Variants in CAMK2B observed in about 807,000 individuals in gnomAD.
The protein encoded by CAMK2B is calcium/calmodulin-dependent protein kinase type II subunit beta.
CAMK2B carries 27 observed loss-of-function variants against 93.7 expected under a neutral mutation model. That is an observed-to-expected ratio of 0.29 (90% CI 0.21 to 0.40). The LOEUF is 0.40. Among genes scored for constraint, CAMK2B ranks in the 10% least tolerant of loss-of-function variants. The probability of loss-of-function intolerance (pLI) is 1.00; values close to 1 mark genes in which losing one functional copy is unlikely to be tolerated. For synonymous variants in CAMK2B, 374 were observed against 358.8 expected, an observed-to-expected ratio of 1.04 and a Z score of -0.48; for missense variants, 568 against 895.8, an observed-to-expected ratio of 0.63 and a Z score of 4.67.
At chr7:44,251,472 C>A (rs996649902) in intron 5 of CAMK2B, among the ~76,000 whole-genome samples, 1 of 152,212 alleles carries the variant, frequency 6.6e-6, no homozygotes, top group Non-Finnish European at 1.5e-5. Context: ...CTGCTGAAGC[C>A]CGAGGAGGGG....
At chr7:44,241,204 G>C (rs1018941654) in intron 11 of CAMK2B, among the ~76,000 whole-genome samples, 2 of 152,168 alleles carry the variant, frequency 1.3e-5, no homozygotes, top group Non-Finnish European at 2.9e-5. Context: ...TAGAGGGACT[G>C]CCAGTGTGCG....
chr7:44,220,993 G>T, intron 20 of CAMK2B, 92 bp from the exon 21 acceptor site: 1 of 1,047,254 alleles, frequency 9.5e-7, no homozygotes, highest in Non-Finnish European at 1.4e-6. Flanking sequence ...GGGGGAGCGC[G>T]AGCTGCATCC....
intron 2 of CAMK2B, among the ~76,000 whole-genome samples, chr7:44,282,461 C>G (rs1449554785): frequency 6.6e-6 from 1 of 152,242 alleles, no homozygotes; most frequent in Non-Finnish European, 1.5e-5. Context: ...CTCAGTGTCC[C>G]TGCTGAACCC....
At chr7:44,241,842 G>A in intron 10 of CAMK2B, 59 bp from the exon 11 acceptor site, 2 of 1,428,186 alleles carry the variant, frequency 1.4e-6, no homozygotes, top group South Asian at 2.4e-5. Context: ...GAGAGGCCAG[G>A]GTGGCAAGGC....
intron 4 of CAMK2B, among the ~76,000 whole-genome samples, chr7:44,258,483 C>T (rs1019456292): frequency 6.6e-6 from 1 of 152,224 alleles, no homozygotes; most frequent in Non-Finnish European, 1.5e-5. Context: ...CACACATGTG[C>T]ACTCACGCCA....
At chr7:44,322,861 G>A (rs559621886) in intron 1 of CAMK2B, among the ~76,000 whole-genome samples, 2 of 152,254 alleles carry the variant, frequency 1.3e-5, no homozygotes, top group Non-Finnish European at 2.9e-5. Flanking sequence ...AGGGAGCTCA[G>A]CGCCACCTGA....
chr7:44,325,476 C>A lies in CAMK2B; in HGVS notation c.-55G>T. The A allele has an allele frequency of 1.0e-6, 1 of 989,634 alleles. No individual in the cohort carries two copies. The highest frequency in any genetic ancestry group is 1.0e-4 in the East Asian group (1 of 9,906). 61.3% of individuals were successfully genotyped at this position (989,634 alleles called of 1,614,324 possible). ...CGGCTGCGCTCGGGCGGCGGCGACTCCGGCTCCCGCTCGCGGGCACGGCGG... is the reference window on the plus strand; with the variant it reads ...CGGCTGCGCTCGGGCGGCGGCGACTACGGCTCCCGCTCGCGGGCACGGCGG... On this transcript the variant is annotated 5_prime_UTR_variant, in exon 1 of 24. Coordinates refer to ENST00000395749, the MANE Select transcript of CAMK2B (RefSeq NM_001220.5).
In CAMK2B at chr7:44,248,024, A is replaced by C. The variant is rs2096747842; in HGVS notation, c.342-832T>G. Reference sequence around the variant, plus strand: ...AGCCTGGGTGACAGAGGGAGAGTCCATCTCAAAAAGAAAAAAATAAAAAGT... The same window carrying C: ...AGCCTGGGTGACAGAGGGAGAGTCCCTCTCAAAAAGAAAAAAATAAAAAGT... On this transcript the variant is annotated intron_variant, in intron 5 of 23. Transcript: ENST00000395749. The surrounding 1 kb of genome is among the most constrained non-coding windows in gnomAD (Gnocchi z 4.1). Among the ~76,000 whole-genome samples, 1 of 152,162 alleles carries C rather than the reference A, an allele frequency of 6.6e-6. No homozygotes were observed. The highest frequency in any genetic ancestry group is 6.5e-5 in the Admixed American group (1 of 15,278).
intron 1 of CAMK2B, among the ~76,000 whole-genome samples, chr7:44,310,140 C>G (rs565963469): frequency 2.6e-4 from 40 of 152,390 alleles, no homozygotes; most frequent in African/African-American, 9.6e-4. Context: ...TTCCTGCAAG[C>G]TGCGCATCAA....
chr7:44,301,899 A>G (rs1790155088), intron 1 of CAMK2B, among the ~76,000 whole-genome samples: 1 of 152,216 alleles, frequency 6.6e-6, no homozygotes, highest in Non-Finnish European at 1.5e-5. Flanking sequence ...AATAAAAACT[A>G]GAGTGTAAAT....
chr7:44,239,535 G>A (rs973874225), intron 13 of CAMK2B, 54 bp downstream of exon 13: 23 of 1,467,330 alleles, frequency 1.6e-5, no homozygotes, highest in Non-Finnish European at 1.9e-5. Context: ...GGGGCTGCAT[G>A]CTGGCAGGAG....
At chr7:44,304,285 C>T (rs1790857605) in intron 1 of CAMK2B, among the ~76,000 whole-genome samples, 1 of 152,116 alleles carries the variant, frequency 6.6e-6, no homozygotes, top group Admixed American at 6.5e-5. Context: ...CACAAAATAC[C>T]CGCAAACGGA....
chr7:44,263,487 G>A (rs2096897962), intron 2 of CAMK2B, among the ~76,000 whole-genome samples: 1 of 152,188 alleles, frequency 6.6e-6, no homozygotes, highest in African/African-American at 2.4e-5. Context: ...GTGTGCCCCA[G>A]AGCCCGGCTG....
chr7:44,307,994 C>A (rs1460562688), intron 1 of CAMK2B, among the ~76,000 whole-genome samples: 1 of 152,032 alleles, frequency 6.6e-6, no homozygotes, highest in Non-Finnish European at 1.5e-5. Context: ...CCTCCCAAAG[C>A]GCTGGGATTC....
intron 3 of CAMK2B, 83 bp from the exon 4 acceptor site, chr7:44,259,009 CACCA>C: frequency 1.6e-6 from 2 of 1,253,136 alleles, no homozygotes; most frequent in Non-Finnish European, 2.3e-6. Context: ...CCAGGCACAC[CACCA>C]GCGGTGTAAG....
intron 20 of CAMK2B, among the ~76,000 whole-genome samples, chr7:44,226,080 C>G (rs2096473247): frequency 6.6e-6 from 1 of 152,082 alleles, no homozygotes; most frequent in Non-Finnish European, 1.5e-5. Flanking sequence ...ACTTGGACAG[C>G]TCTAATGCTA....
intron 3 of CAMK2B, among the ~76,000 whole-genome samples, chr7:44,262,038 G>T (rs1456277907): frequency 6.6e-6 from 1 of 152,220 alleles, no homozygotes; most frequent in African/African-American, 2.4e-5. Context: ...GTCCAATGGG[G>T]CACCTGCCCC....
At chr7:44,253,791 T>C (rs1584250971) in intron 5 of CAMK2B, among the ~76,000 whole-genome samples, 1 of 151,702 alleles carries the variant, frequency 6.6e-6, no homozygotes, top group Non-Finnish European at 1.5e-5. Flanking sequence ...AGAGAGGGGG[T>C]CTCATTATAT....
rs767063074 is a variant in CAMK2B at position 44,220,693 on chromosome 7, C to T, written c.1691G>A (p.Gly564Glu). ...TGCTTCAGGCTCAAACGAGGTCAGCCCTGGGTCACAGATTTTCCTGGGGGC... is the reference window on the plus strand; with the variant it reads ...TGCTTCAGGCTCAAACGAGGTCAGCTCTGGGTCACAGATTTTCCTGGGGGC... The part of the protein sequence containing the change: ...FEAYAKICDP[G>E]LTSFEPEALG... The change falls in exon 22 of 24, where the codon GGG becomes GAG. Residue 564 changes from glycine to glutamate, a missense_variant. By Grantham distance (98) the Gly-to-Glu change is moderately conservative. This residue lies in a region of CAMK2B where 116 missense variants were observed against 188.0 expected (regional missense o/e 0.62). Transcript: ENST00000395749. 99 of 1,612,642 alleles carry T rather than the reference C, an allele frequency of 6.1e-5. 3 individuals are homozygous for T. In the South Asian group the frequency reaches 1.1e-3, roughly 18 times the overall value.
Sources: gnomAD v4.1 joint callset for allele counts (sites outside exome capture counted in the v4.1 genomes callset) on GRCh38, gnomAD v4.1.1 for gene constraint, gnomAD v4.1.1 regional missense constraint, Gnocchi (gnomAD v3.1) non-coding constraint, MANE v1.5 for transcripts, NCBI Gene and HGNC (gene_info 2026-07-23, HGNC 2026-07-21) for gene names.